The following PHF14 variants were observed in gnomAD, a reference collection of about 807,000 sequenced individuals.
PHF14 encodes the protein PHD finger protein 14.
A neutral mutation model predicts 117.9 loss-of-function variants in PHF14; 55 were observed. The ratio of observed to expected loss-of-function variants is 0.47; its 90% CI spans 0.38 to 0.58. The LOEUF is 0.58. Among genes scored for constraint, PHF14 ranks in the 20% least tolerant of loss-of-function variants. PHF14 has a pLI of 0.00. For synonymous variants in PHF14, 409 were observed against 368.6 expected, an observed-to-expected ratio of 1.11 and a Z score of -1.26; for missense variants, 978 against 1,122.2, an observed-to-expected ratio of 0.87 and a Z score of 1.84.
chr7:11,135,667 A>T (rs1219907668), intron 17 of PHF14, among the ~76,000 whole-genome samples: 1 of 152,272 alleles, frequency 6.6e-6, no homozygotes, highest in East Asian at 1.9e-4. Flanking sequence ...GCAATGTTAA[A>T]TGTAACTATA....
chr7:11,043,244 A>G lies in PHF14; in HGVS notation c.2312+430A>G, dbSNP rs139379781. Reference sequence around the variant, plus strand: ...TATTTGTGCTAGTCATTTAAATTCAACCATTCTTTGACATCTAGAAACATT... The same window carrying G: ...TATTTGTGCTAGTCATTTAAATTCAGCCATTCTTTGACATCTAGAAACATT... On this transcript the variant is annotated intron_variant, in intron 13 of 17. Coordinates refer to ENST00000634607, the MANE Select transcript of PHF14 (RefSeq NM_001007157.2). 1.5e-3 allele frequency among the ~76,000 whole-genome samples: 225 copies of G among 151,008 alleles called. 2 individuals are homozygous for G. Among genetic ancestry groups the G allele is most frequent in the African/African-American group, 5.3e-3 (217 of 41,296 alleles).
At chr7:10,999,758 A>G (rs1250431416) in intron 4 of PHF14, among the ~76,000 whole-genome samples, 1 of 152,218 alleles carries the variant, frequency 6.6e-6, no homozygotes, top group East Asian at 1.9e-4. Flanking sequence ...GAAACATTTA[A>G]AAAGTCTGAA....
Position 11,028,665 on chromosome 7 carries a change from T to C in PHF14, c.1318-16T>C. ...AATAAGTTTGCTTTGAGAATTTTTC[T>C]GTTACTTTGTTGTAGGAGTGTAGCT... On this transcript the variant is annotated splice_polypyrimidine_tract_variant and intron_variant, in intron 6 of 17. Coordinates refer to ENST00000634607, the MANE Select transcript of PHF14 (RefSeq NM_001007157.2). The C allele has an allele frequency of 6.2e-7, 1 of 1,612,894 alleles. No individual in the cohort carries two copies. Among genetic ancestry groups the C allele is most frequent in the East Asian group, 2.2e-5 (1 of 44,852 alleles).
At chr7:11,051,183 G>T (rs1364233880) in intron 13 of PHF14, among the ~76,000 whole-genome samples, 1 of 151,998 alleles carries the variant, frequency 6.6e-6, no homozygotes, top group Non-Finnish European at 1.5e-5. Flanking sequence ...TGGGATTATA[G>T]GCGTGTGCCA....
intron 17 of PHF14, among the ~76,000 whole-genome samples, chr7:11,143,555 T>A (rs1461111554): frequency 6.6e-6 from 1 of 152,194 alleles, no homozygotes; most frequent in Non-Finnish European, 1.5e-5. Flanking sequence ...TATTACAGAT[T>A]ATTTGGAAAA....
chr7:11,014,367 A>G (rs1783452514), intron 5 of PHF14, among the ~76,000 whole-genome samples: 1 of 152,208 alleles, frequency 6.6e-6, no homozygotes, highest in South Asian at 2.1e-4. Flanking sequence ...ACTATAAGGT[A>G]TAAAAAAACT....
intron 16 of PHF14, among the ~76,000 whole-genome samples, chr7:11,083,511 C>T (rs1786243100): frequency 6.7e-6 from 1 of 149,150 alleles, no homozygotes; most frequent in Non-Finnish European, 1.5e-5. Flanking sequence ...CTCTGTCGCC[C>T]AGGCTGCAGT....
chr7:11,114,976 G>A lies in PHF14; in HGVS notation c.2772+3509G>A, dbSNP rs569036940. 3.0e-4 allele frequency among the ~76,000 whole-genome samples: 45 copies of A among 151,960 alleles called. No homozygotes were observed. In the South Asian group the frequency reaches 6.2e-3, roughly 21 times the overall value. ...ATCCTATTGTTAATAAATGCCACAT[G>A]CCTGGAAAAGAAATGTGTTTTCTTC... On this transcript the variant is annotated intron_variant, in intron 17 of 17. Transcript: ENST00000634607.
Position 11,130,573 on chromosome 7 carries a change from T to C in PHF14, c.2772+19106T>C, listed in dbSNP as rs1305864272. Among the ~76,000 whole-genome samples the C allele has an allele frequency of 1.3e-5, 2 of 151,968 alleles. No homozygotes were observed. Among genetic ancestry groups the C allele is most frequent in the African/African-American group, 4.8e-5 (2 of 41,420 alleles). Reference sequence around the variant, plus strand: ...GAGTTAAAACTACAGATTTCCCATATGCCCCCTCATCCCTTCCTCCTTCCC... The same window carrying C: ...GAGTTAAAACTACAGATTTCCCATACGCCCCCTCATCCCTTCCTCCTTCCC... On this transcript the variant is annotated intron_variant, in intron 17 of 17. Coordinates refer to ENST00000634607, the MANE Select transcript of PHF14 (RefSeq NM_001007157.2). The surrounding 1 kb of genome is among the most constrained non-coding windows in gnomAD (Gnocchi z 4.2).
chr7:11,161,264 A>G (rs1789016225), intron 17 of PHF14, among the ~76,000 whole-genome samples: 1 of 152,102 alleles, frequency 6.6e-6, no homozygotes, highest in Admixed American at 6.6e-5. Context: ...TACAAGTTTT[A>G]AGTTTGATAC....
At chr7:11,055,352 G>A (rs1412181219) in intron 14 of PHF14, among the ~76,000 whole-genome samples, 1 of 152,126 alleles carries the variant, frequency 6.6e-6, no homozygotes, top group Non-Finnish European at 1.5e-5. Context: ...AAGTCATGTA[G>A]TGACTTTTCA....
At chr7:10,984,236 AT>A (rs2128308431) in intron 3 of PHF14, among the ~76,000 whole-genome samples, 1 of 152,302 alleles carries the variant, frequency 6.6e-6, no homozygotes, top group South Asian at 2.1e-4. Context: ...TTGCTTAAAA[AT>A]TTGGTGATTT....
At chr7:11,047,455 T>G (rs1784707224) in intron 13 of PHF14, among the ~76,000 whole-genome samples, 2 of 151,990 alleles carry the variant, frequency 1.3e-5, no homozygotes, top group African/African-American at 4.8e-5. Flanking sequence ...ATCATTCTGA[T>G]TATAGGTTGT....
chr7:11,106,753 G>A, intron 16 of PHF14: 1 of 983,848 alleles, frequency 1.0e-6, no homozygotes, highest in Non-Finnish European at 1.2e-6. Context: ...GAACATTCTT[G>A]TGATGGAATT....
At chr7:11,098,221 A>G (rs1339552737) in intron 16 of PHF14, among the ~76,000 whole-genome samples, 2 of 152,210 alleles carry the variant, frequency 1.3e-5, no homozygotes, top group Admixed American at 1.3e-4. Context: ...TTAGCCATGT[A>G]TATAATTTGA....
intron 17 of PHF14, among the ~76,000 whole-genome samples, chr7:11,142,332 G>A (rs538198891): frequency 1.1e-3 from 170 of 151,976 alleles, no homozygotes; most frequent in African/African-American, 3.9e-3. Context: ...TATTCACTGC[G>A]CCATAATGGA....
chr7:11,074,500 G>A (rs1196655666), intron 16 of PHF14, among the ~76,000 whole-genome samples: 3 of 152,078 alleles, frequency 2.0e-5, no homozygotes, highest in South Asian at 2.1e-4. Flanking sequence ...ATGAGCCACC[G>A]TGCCTGGCCC....
At chr7:11,161,807 C>T (rs995412640) in intron 17 of PHF14, among the ~76,000 whole-genome samples, 14 of 136,090 alleles carry the variant, frequency 1.0e-4, no homozygotes, top group Non-Finnish European at 2.2e-4. Flanking sequence ...ATTTCAAAAG[C>T]GGGTAATAAC....
chr7:11,121,048 C>G (rs552455905), intron 17 of PHF14, among the ~76,000 whole-genome samples: 122 of 152,094 alleles, frequency 8.0e-4, no homozygotes, highest in African/African-American at 2.9e-3. Flanking sequence ...CGTAACAAAC[C>G]ACTGAAGACA....
Sources: allele counts gnomAD v4.1 joint callset (sites outside exome capture counted in the v4.1 genomes callset), GRCh38; gene constraint gnomAD v4.1.1; non-coding constraint Gnocchi (gnomAD v3.1); transcripts MANE v1.5; gene names NCBI Gene and HGNC (gene_info 2026-07-23, HGNC 2026-07-21).